Variants in DOC2A observed in about 807,000 individuals in gnomAD.
DOC2A encodes the protein double C2 domain alpha.
DOC2A carries 28 observed loss-of-function variants against 40.6 expected under a neutral mutation model. The ratio of observed to expected loss-of-function variants is 0.69; its 90% CI spans 0.51 to 0.95. The LOEUF (loss-of-function observed/expected upper bound fraction) is 0.95. Ranked by LOEUF, DOC2A falls within the 40% of genes least tolerant of loss-of-function variation. The pLI, the probability that DOC2A is intolerant of heterozygous loss-of-function variation, is 0.00. For missense variants in DOC2A, 474 were observed against 552.5 expected (o/e 0.86, Z 1.42); for synonymous variants, 241 against 236.9 (o/e 1.02, Z -0.16).
chr16:30,008,672 T>G, intron 5 of DOC2A: 3 of 320,478 alleles, frequency 9.4e-6, no homozygotes, highest in East Asian at 7.8e-5. Context: ...GCCCGGCTAA[T>G]TTTTGTATTT....
Position 30,006,838 on chromosome 16 carries a change from G to T in DOC2A, c.825C>A (p.Cys275Ter), listed in dbSNP as rs138648401. The change falls in exon 8 of 11, where the codon TGC becomes TGA. Residue 275 changes from cysteine (C) to a stop codon, truncating the protein, a stop_gained. Coordinates refer to ENST00000350119, the MANE Select transcript of DOC2A (RefSeq NM_003586.3). LOFTEE classifies it high-confidence loss of function. This position sits in a 1 kb window ranked among gnomAD's most constrained non-coding sequence, Gnocchi z 6.2. ...TGACGTCCATGGCAGCCAGATGGGCGCAGCGCAAGATGCCTACCAGCAGTC... is the reference window on the plus strand; with the variant it reads ...TGACGTCCATGGCAGCCAGATGGGCTCAGCGCAAGATGCCTACCAGCAGTC... ...RRGLLVGILR[C>*]AHLAAMDVNG... 2 of 1,613,748 alleles carry T rather than the reference G, an allele frequency of 1.2e-6. No individual in the cohort carries two copies. The highest frequency in any genetic ancestry group is 1.7e-6 in the Non-Finnish European group (2 of 1,179,888).
rs769227502 is a variant in DOC2A at position 30,007,064 on chromosome 16, C to T, written c.681G>A (p.Ala227=). The T allele has an allele frequency of 4.5e-5, 73 of 1,613,850 alleles. 1 individual carries two copies. The highest frequency in any genetic ancestry group is 2.2e-4 in the East Asian group (10 of 44,864). Reference sequence around the variant, plus strand: ...GATAACAGGAGATGCCCCTCAGCGCCGCTGACATGGAAGAGGGGGACGCCA... The same window carrying T: ...GATAACAGGAGATGCCCCTCAGCGCTGCTGACATGGAAGAGGGGGACGCCA... ...VPLASPSSMS[A]ALRGISCYLK... The change falls in exon 7 of 11, where the codon GCG becomes GCA. Residue 227 remains alanine (A), a synonymous_variant. Transcript: ENST00000350119.
upstream of DOC2A, among the ~76,000 whole-genome samples, chr16:30,016,055 A>ATATATATATATAAT: frequency 5.9e-5 from 1 of 16,896 alleles, no homozygotes; most frequent in South Asian, 3.8e-3. Flanking sequence ...ATATATATAT[A>ATATATATATATAAT]TTTTTTTTTT....
At position 30,010,039 on chromosome 16, in the gene DOC2A, C is replaced by T. The variant is rs2070732727; in HGVS notation, c.184G>A (p.Ala62Thr). The T allele has an allele frequency of 3.7e-6, 6 of 1,611,942 alleles. No individual in the cohort carries two copies. Among genetic ancestry groups the T allele is most frequent in the Middle Eastern group, 1.9e-4 (1 of 5,378 alleles). The change falls in exon 2 of 11, where the codon GCC becomes ACC. Residue 62 changes from alanine to threonine, a missense_variant. Physicochemically the swap from Ala to Thr is moderately conservative, Grantham distance 58. Transcript: ENST00000350119. The surrounding 1 kb of genome is among the most constrained non-coding windows in gnomAD (Gnocchi z 4.2). ...APAHLVPLAL[A>T]PPAALLGATT... ...GCCCCAAGGAGGGCTGCAGGGGGGGCCAGAGCCAGGGGGACCAGATGGGCG... is the reference window on the plus strand; with the variant it reads ...GCCCCAAGGAGGGCTGCAGGGGGGGTCAGAGCCAGGGGGACCAGATGGGCG...
chr16:30,013,022 A>G (rs1161332854), upstream of DOC2A, among the ~76,000 whole-genome samples: 1 of 151,548 alleles, frequency 6.6e-6, no homozygotes, highest in East Asian at 1.9e-4. Context: ...CAAACAAAAA[A>G]CCCTGAGATA....
At position 30,010,276 on chromosome 16, in the gene DOC2A, G is replaced by A; in HGVS notation, c.-13-41C>T. The A allele has an allele frequency of 1.2e-6, 2 of 1,608,326 alleles. No homozygotes were observed. The highest frequency in any genetic ancestry group is 1.7e-6 in the Non-Finnish European group (2 of 1,179,810). On this transcript the variant is annotated intron_variant, in intron 1 of 10. Transcript: ENST00000350119. The surrounding 1 kb of genome is among the most constrained non-coding windows in gnomAD (Gnocchi z 4.2). ...TGAGCCAGTGAGCCCATCATACCTA[G>A]CCATCCTGGCTGAGGGCCAGGCGAC...
chr16:30,012,721 A>G (rs2070805006), upstream of DOC2A: 1 of 151,248 alleles, frequency 6.6e-6, no homozygotes, highest in Non-Finnish European at 1.5e-5. Flanking sequence ...TGTAAAGTCA[A>G]CAACACTGAG....
chr16:30,009,410 G>T lies in DOC2A; in HGVS notation c.342+68C>A. The T allele has an allele frequency of 1.3e-6, 2 of 1,516,864 alleles. 1 individual carries two copies. The allele number at this position is 1,516,864 out of a possible 1,614,324, so 94.0% of individuals were successfully genotyped here. A position where few individuals can be genotyped will look rare whatever the true frequency, so the allele number is the denominator to read the frequency against. On this transcript the variant is annotated intron_variant, in intron 3 of 10. Transcript: ENST00000350119. This position sits in a 1 kb window ranked among gnomAD's most constrained non-coding sequence, Gnocchi z 4.1. ...GAAGGAGCAGGCCTGGGAAGGGAAG[G>T]AGGAATGGGCCCCCTCTGGGGGCTG... is the stretch of plus-strand genomic sequence containing the variant.
chr16:30,009,785 G>C lies in DOC2A; in HGVS notation c.262+176C>G, dbSNP rs2070723511. On this transcript the variant is annotated intron_variant, in intron 2 of 10. Coordinates refer to ENST00000350119, the MANE Select transcript of DOC2A (RefSeq NM_003586.3). This position sits in a 1 kb window ranked among gnomAD's most constrained non-coding sequence, Gnocchi z 4.1. ...GCAGAAATACTGAATATTGAGCCTT[G>C]CTGAAGCTGTAATCTCCACGCTGAC... 6.6e-6 allele frequency among the ~76,000 whole-genome samples: 1 copy of C among 152,110 alleles called. No individual in the cohort carries two copies. The highest frequency in any genetic ancestry group is 6.5e-5 in the Admixed American group (1 of 15,282).
chr16:30,015,792 T>C (rs2070848475), upstream of DOC2A, among the ~76,000 whole-genome samples: 1 of 147,336 alleles, frequency 6.8e-6, no homozygotes, highest in Non-Finnish European at 1.5e-5. Flanking sequence ...CCTCGAACTC[T>C]TGGGCTCAGG....
chr16:30,006,733 C>A lies in DOC2A; in HGVS notation c.878+52G>T. 1 of 1,613,760 alleles carries A rather than the reference C, an allele frequency of 6.2e-7. No individual in the cohort carries two copies. Among genetic ancestry groups the A allele is most frequent in the Non-Finnish European group, 8.5e-7 (1 of 1,179,850 alleles). The stretch of plus-strand genomic sequence containing the variant: ...GGGGTGAGGGACAGGCCAGGCCCAA[C>A]TCAGGCCAGGGCAGGCTCCCTGGGG... On this transcript the variant is annotated intron_variant, in intron 8 of 10. Transcript: ENST00000350119. This position sits in a 1 kb window ranked among gnomAD's most constrained non-coding sequence, Gnocchi z 6.2.
rs752272402 is a variant in DOC2A at position 30,010,076 on chromosome 16, G to T, written c.147C>A (p.Gly49=). 4 of 1,610,788 alleles carry T rather than the reference G, an allele frequency of 2.5e-6. No individual in the cohort carries two copies. Among genetic ancestry groups the T allele is most frequent in the Non-Finnish European group, 2.5e-6 (3 of 1,178,426 alleles). The part of the protein sequence containing the change: ...GPGPEGGGGG[G]GEAPAHLVPL... Reference sequence around the variant, plus strand: ...GGACCAGATGGGCGGGGGCCTCCCCGCCGCCCCCGCCGCCCCCTTCAGGTC... The same window carrying T: ...GGACCAGATGGGCGGGGGCCTCCCCTCCGCCCCCGCCGCCCCCTTCAGGTC... The change falls in exon 2 of 11, where the codon GGC becomes GGA. Residue 49 remains glycine (G), a synonymous_variant. Transcript: ENST00000350119. The surrounding 1 kb of genome is among the most constrained non-coding windows in gnomAD (Gnocchi z 4.2).
At chr16:30,014,947 GAAA>G (rs796513118), upstream of DOC2A, 1 of 150,490 alleles carries the variant, frequency 6.6e-6, no homozygotes, top group Non-Finnish European at 1.5e-5. Flanking sequence ...AAAGAAAAAA[GAAA>G]AAAAAATCAA....
upstream of DOC2A, chr16:30,011,424 C>A: frequency 1.0e-6 from 1 of 985,232 alleles, no homozygotes; most frequent in Non-Finnish European, 1.2e-6. Flanking sequence ...TCCCCAACTA[C>A]TCCTGGGAGA....
Position 30,010,364 on chromosome 16 carries a change from T to C in DOC2A, c.-13-129A>G. 3 of 1,332,080 alleles carry C rather than the reference T, an allele frequency of 2.3e-6. No individual in the cohort carries two copies. The highest frequency in any genetic ancestry group is 3.2e-6 in the Non-Finnish European group (3 of 946,534). The allele number at this position is 1,332,080 out of a possible 1,614,324, so 82.5% of individuals were successfully genotyped here. On this transcript the variant is annotated intron_variant, in intron 1 of 10. Coordinates refer to ENST00000350119, the MANE Select transcript of DOC2A (RefSeq NM_003586.3). The surrounding 1 kb of genome is among the most constrained non-coding windows in gnomAD (Gnocchi z 4.2). ...TCCTAGGTGTCGAGGGAGAGGGTGG[T>C]GTGTGCCAGCCGGTGGCAGGTGGGA... is the stretch of plus-strand genomic sequence containing the variant.
At position 30,010,219 on chromosome 16, in the gene DOC2A, T is replaced by A. The variant is rs2070742297; in HGVS notation, c.4A>T (p.Arg2Trp). 3 of 1,613,752 alleles carry A rather than the reference T, an allele frequency of 1.9e-6. No homozygotes were observed. The East Asian group carries it at 6.7e-5, about 36-fold the overall frequency. The change falls in exon 2 of 11, where the codon AGG (arginine) becomes TGG (tryptophan). Residue 2 changes from arginine to tryptophan, a missense_variant. Coordinates refer to ENST00000350119, the MANE Select transcript of DOC2A (RefSeq NM_003586.3). This position sits in a 1 kb window ranked among gnomAD's most constrained non-coding sequence, Gnocchi z 4.2. Reference protein sequence around the residue: MRGRRGDRMTIN... With the variant: MWGRRGDRMTIN... ...GTCATGCGATCGCCCCTGCGGCCCCTCATGCAGCACCCCTGGCTAGGAGAG... is the reference window on the plus strand; with the variant it reads ...GTCATGCGATCGCCCCTGCGGCCCCACATGCAGCACCCCTGGCTAGGAGAG...
chr16:30,019,918 T>C (rs1276856024), intron 1 of DOC2A, among the ~76,000 whole-genome samples: 1 of 151,998 alleles, frequency 6.6e-6, no homozygotes, highest in African/African-American at 2.4e-5. Flanking sequence ...TTTTTTTCTT[T>C]TTCTTTTTGA....
chr16:30,009,841 C>G lies in DOC2A; in HGVS notation c.262+120G>C. On this transcript the variant is annotated intron_variant, in intron 2 of 10. Transcript: ENST00000350119. This position sits in a 1 kb window ranked among gnomAD's most constrained non-coding sequence, Gnocchi z 4.1. ...CTGTGGTGGCCGTCCCTGCCACCCC[C>G]CCACTGCCCTCCTCCCCTACCTACA... 1 of 1,154,700 alleles carries G rather than the reference C, an allele frequency of 8.7e-7. No homozygotes were observed. Among genetic ancestry groups the G allele is most frequent in the Non-Finnish European group, 1.3e-6 (1 of 786,102 alleles). 71.5% of individuals were successfully genotyped at this position (1,154,700 alleles called of 1,614,324 possible). A position where few individuals can be genotyped will look rare whatever the true frequency, so the allele number is the denominator to read the frequency against.
chr16:30,015,477 G>A (rs370314765), upstream of DOC2A, among the ~76,000 whole-genome samples: 16 of 152,084 alleles, frequency 1.1e-4, no homozygotes, highest in South Asian at 2.1e-4. Context: ...CATCATGCTC[G>A]GCTAATTTTT....
Sources: allele counts gnomAD v4.1 joint callset (sites outside exome capture counted in the v4.1 genomes callset), GRCh38; gene constraint gnomAD v4.1.1; non-coding constraint Gnocchi (gnomAD v3.1); transcripts MANE v1.5; gene names NCBI Gene and HGNC (gene_info 2026-07-23, HGNC 2026-07-21).